SYCP1: variants seen among roughly 807,000 people sequenced by gnomAD.
The protein encoded by SYCP1 is cancer/testis antigen 8.
A neutral mutation model predicts 153.1 loss-of-function variants in SYCP1; 64 were observed. The ratio of observed to expected loss-of-function variants is 0.42; its 90% confidence interval spans 0.34 to 0.51. SYCP1 has a LOEUF of 0.51. Among genes scored for constraint, SYCP1 ranks in the 20% least tolerant of loss-of-function variants. SYCP1 has a pLI of 0.06. For missense variants in SYCP1, 997 were observed against 1,049.0 expected (o/e 0.95, Z 0.68); for synonymous variants, 384 against 341.8 (o/e 1.12, Z -1.36).
intron 8 of SYCP1, among the ~76,000 whole-genome samples, chr1:114,871,173 C>CT (rs1011482424): frequency 1.8e-3 from 250 of 140,352 alleles, no homozygotes; most frequent in African/African-American, 3.7e-3. Flanking sequence ...TTTTTTTTTT[C>CT]TTTTTTTTTT....
intron 17 of SYCP1, among the ~76,000 whole-genome samples, 169 bp from the exon 18 acceptor site, chr1:114,911,310 A>T (rs1205201555): frequency 2.0e-5 from 3 of 152,044 alleles, no homozygotes; most frequent in Non-Finnish European, 4.4e-5. Context: ...GTCATTGTTC[A>T]TTGTTTTAAA....
intron 23 of SYCP1, among the ~76,000 whole-genome samples, chr1:114,934,780 T>C (rs1669881497): frequency 6.6e-6 from 1 of 151,938 alleles, no homozygotes; most frequent in South Asian, 2.1e-4. Context: ...AAAACAGACT[T>C]TAAACCAACA....
At chr1:114,914,072 T>G in intron 20 of SYCP1, 27 bp downstream of exon 20, 5 of 1,492,090 alleles carry the variant, frequency 3.4e-6, no homozygotes, top group Non-Finnish European at 3.6e-6. Flanking sequence ...GGCCTTTTTT[T>G]GTCTGGCAAA....
At chr1:114,861,957 A>G (rs2101316145) in intron 8 of SYCP1, among the ~76,000 whole-genome samples, 1 of 151,270 alleles carries the variant, frequency 6.6e-6, no homozygotes, top group Admixed American at 6.6e-5. Flanking sequence ...GTGCCACCAC[A>G]CCCAGCTAAT....
At chr1:114,913,255 G>T in intron 19 of SYCP1, 105 bp downstream of exon 19, 1 of 892,036 alleles carries the variant, frequency 1.1e-6, no homozygotes, top group Non-Finnish European at 1.7e-6. Flanking sequence ...GATTGCTTTA[G>T]AGCTAAAACT....
rs752000855 is a variant in SYCP1, at chr1:114,947,264, C to T, written c.2266C>T (p.Leu756Phe). The change falls in exon 27 of 32, where the codon CTC (leucine) becomes TTC (phenylalanine). Residue 756 changes from leucine (L) to phenylalanine (F), a missense_variant. Transcript: ENST00000369522. Reference protein sequence around the residue: ...RASLEIELSNLKAELLSVKKQ... With the variant: ...RASLEIELSNFKAELLSVKKQ... ...TCTTTAGGAGATTGAACTATCCAAT[C>T]TCAAAGCTGAACTTTTGTCTGTTAA... The T allele has an allele frequency of 6.2e-7, 1 of 1,612,528 alleles. No individual in the cohort carries two copies. Among genetic ancestry groups the T allele is most frequent in the Non-Finnish European group, 8.5e-7 (1 of 1,179,402 alleles).
At chr1:114,994,272 T>C (rs1398097681) in intron 30 of SYCP1, among the ~76,000 whole-genome samples, 1 of 151,412 alleles carries the variant, frequency 6.6e-6, no homozygotes, top group African/African-American at 2.4e-5. Context: ...GATAATATTA[T>C]AAGTTTTTTT....
chr1:114,889,653 GC>G (rs2101569116), intron 15 of SYCP1, among the ~76,000 whole-genome samples: 1 of 152,204 alleles, frequency 6.6e-6, no homozygotes, highest in East Asian at 1.9e-4. Flanking sequence ...TCTGTAGGTT[GC>G]CTGTTCACTC....
chr1:114,951,611 A>C (rs1236061530), intron 27 of SYCP1, among the ~76,000 whole-genome samples: 1 of 152,182 alleles, frequency 6.6e-6, no homozygotes, highest in Non-Finnish European at 1.5e-5. Flanking sequence ...ATAATTGTAG[A>C]TTCACATGCA....
rs1669259848 is a variant in SYCP1, at chr1:114,926,543, C to T, written c.1906C>T (p.Leu636=). 6.9e-6 allele frequency: 11 copies of T among 1,589,384 alleles called. No homozygotes were observed. The highest frequency in any genetic ancestry group is 9.4e-6 in the Non-Finnish European group (11 of 1,166,902). Residue 636 remains leucine (L), a synonymous_variant, in exon 23 of 32, where the codon CTG becomes TTG. Coordinates refer to ENST00000369522, the MANE Select transcript of SYCP1 (RefSeq NM_003176.4). The part of the protein sequence containing the change: ...KKKGTAESKQ[L]NVYEIKVNKL... ...AAAAGGTACAGCAGAAAGCAAGCAA[C>T]TGAATGTTTATGAGATAAAGGTATT...
At chr1:114,918,909 T>C (rs893888836) in intron 20 of SYCP1, among the ~76,000 whole-genome samples, 2 of 151,994 alleles carry the variant, frequency 1.3e-5, no homozygotes, top group Non-Finnish European at 2.9e-5. Context: ...AAGTATAAGA[T>C]TATACTTGGA....
At chr1:114,991,133 T>C (rs2101985180) in intron 30 of SYCP1, among the ~76,000 whole-genome samples, 1 of 152,090 alleles carries the variant, frequency 6.6e-6, no homozygotes, top group Admixed American at 6.6e-5. Flanking sequence ...AAATTGTGAT[T>C]ATTATTATTG....
rs1329118668 is a variant in SYCP1, at chr1:114,878,149, C to T, written c.857C>T (p.Thr286Ile). 6.3e-7 allele frequency: 1 copy of T among 1,587,960 alleles called. No homozygotes were observed. The highest frequency in any genetic ancestry group is 8.6e-7 in the Non-Finnish European group (1 of 1,160,534). The change falls in exon 12 of 32, where the codon ACA becomes ATA. Residue 286 changes from threonine (T) to isoleucine (I), a missense_variant. By Grantham distance (89) the Thr-to-Ile change is moderately conservative. Transcript: ENST00000369522. ...AAAGAAAATAAAATGAAAGATTTAA[C>T]ATTTCTGCTAGAGGAATCCAGAGAT... ...TEKENKMKDL[T>I]FLLEESRDKV...
rs749005243 is a variant in SYCP1 at position 114,981,369 on chromosome 1, A to G, written c.2416A>G (p.Ile806Val). 2 of 1,600,436 alleles carry G rather than the reference A, an allele frequency of 1.2e-6. No individual in the cohort carries two copies. The highest frequency in any genetic ancestry group is 1.7e-6 in the Non-Finnish European group (2 of 1,175,810). ...TQTFLLETPE[I>V]YWKLDSKAVP... is the part of the protein sequence containing the mutation. ...AACATTTTTATTGGAAACACCTGAA[A>G]TTTATTGGAAATTGGATTCTAAAGC... Residue 806 changes from isoleucine (I) to valine (V), a missense_variant, in exon 29 of 32, where the codon ATT becomes GTT. Around this residue, in one of 2 missense-constraint regions of SYCP1, gnomAD observed 712 missense variants for 682.9 expected, o/e 1.04. Transcript: ENST00000369522.
chr1:114,924,910 T>G (rs1331815359), intron 21 of SYCP1, among the ~76,000 whole-genome samples: 1 of 152,142 alleles, frequency 6.6e-6, no homozygotes, highest in Non-Finnish European at 1.5e-5. Flanking sequence ...GCTGTAAAAC[T>G]ATTGGAATAG....
chr1:114,961,874 A>T lies in SYCP1; in HGVS notation c.2322+14554A>T, dbSNP rs187371004. ...TAAGTGCATCTGTTCCAGGGTATAG[A>T]TTAAGTCCATTTTTTCTTTGTTGAT... On this transcript the variant is annotated intron_variant, in intron 27 of 31. Transcript: ENST00000369522. Among the ~76,000 whole-genome samples, 158 of 151,834 alleles carry T rather than the reference A, an allele frequency of 1.0e-3. 2 individuals carry two copies. The highest frequency in any genetic ancestry group is 3.7e-3 in the African/African-American group (153 of 41,404).
chr1:114,987,450 T>A (rs982697733), intron 30 of SYCP1, among the ~76,000 whole-genome samples: 1 of 151,990 alleles, frequency 6.6e-6, no homozygotes, highest in African/African-American at 2.4e-5. Context: ...GAAGGTTTCT[T>A]GAGGCCAAGA....
intron 23 of SYCP1, among the ~76,000 whole-genome samples, chr1:114,929,623 G>A (rs1452499933): frequency 6.6e-6 from 1 of 151,560 alleles, no homozygotes; most frequent in Non-Finnish European, 1.5e-5. Flanking sequence ...AGATCAGTAG[G>A]GGCATTTTAT....
intron 8 of SYCP1, among the ~76,000 whole-genome samples, chr1:114,868,233 G>A (rs979030212): frequency 1.3e-5 from 2 of 151,508 alleles, no homozygotes; most frequent in African/African-American, 2.4e-5. Flanking sequence ...TGAACTCCTG[G>A]GCTTAAGTGA....
Sources: allele counts gnomAD v4.1 joint callset (sites outside exome capture counted in the v4.1 genomes callset), GRCh38; gene constraint gnomAD v4.1.1; regional missense constraint gnomAD v4.1.1; transcripts MANE v1.5; gene names NCBI Gene and HGNC (gene_info 2026-07-23, HGNC 2026-07-21).